GABRB2: variants seen among roughly 807,000 people sequenced by gnomAD.
The protein encoded by GABRB2 is gamma-aminobutyric acid receptor subunit beta-2.
In GABRB2, 16 loss-of-function variants were observed where a neutral mutation model predicts 54.7. The observed-to-expected ratio is 0.29, with a 90% CI of 0.20 to 0.44. GABRB2 has a LOEUF of 0.44. Ranked by LOEUF, GABRB2 falls within the 20% of genes least tolerant of loss-of-function variation. The probability of loss-of-function intolerance (pLI) is 1.00; values close to 1 mark genes in which losing one functional copy is unlikely to be tolerated. For missense variants in GABRB2, 355 were observed against 644.0 expected, an observed-to-expected ratio of 0.55 and a Z score of 4.86; for synonymous variants, 244 against 233.8, an observed-to-expected ratio of 1.04 and a Z score of -0.40.
At chr5:161,381,123 T>G (rs2113483275) in intron 5 of GABRB2, among the ~76,000 whole-genome samples, 1 of 152,274 alleles carries the variant, frequency 6.6e-6, no homozygotes, top group African/African-American at 2.4e-5. Context: ...AGCTTTGGAA[T>G]CACACAGTAC....
chr5:161,446,450 A>C (rs1757616851), intron 4 of GABRB2, among the ~76,000 whole-genome samples: 1 of 152,142 alleles, frequency 6.6e-6, no homozygotes, highest in South Asian at 2.1e-4. Flanking sequence ...TATTCCTCTT[A>C]AGAGAATTCT....
intron 5 of GABRB2, among the ~76,000 whole-genome samples, chr5:161,361,298 T>C (rs1051389337): frequency 1.8e-4 from 28 of 152,106 alleles, no homozygotes; most frequent in African/African-American, 6.8e-4. Flanking sequence ...TTTTATTTTT[T>C]AAACTTTTAG....
chr5:161,430,918 C>A (rs912537152), intron 4 of GABRB2, among the ~76,000 whole-genome samples: 4 of 152,082 alleles, frequency 2.6e-5, no homozygotes, highest in Non-Finnish European at 5.9e-5. Context: ...TTTTATAATT[C>A]ATTACAAGAT....
At chr5:161,406,851 C>T (rs1025021366) in intron 5 of GABRB2, among the ~76,000 whole-genome samples, 1 of 151,952 alleles carries the variant, frequency 6.6e-6, no homozygotes, top group Non-Finnish European at 1.5e-5. Context: ...CTTTGTGTAT[C>T]CCTGTGAAGG....
chr5:161,446,395 A>G (rs1757615368), intron 4 of GABRB2, among the ~76,000 whole-genome samples: 1 of 152,152 alleles, frequency 6.6e-6, no homozygotes, highest in African/African-American at 2.4e-5. Flanking sequence ...CACTGTACAG[A>G]CATTCCTAAT....
intron 3 of GABRB2, among the ~76,000 whole-genome samples, chr5:161,544,135 T>C (rs1404493601): frequency 6.6e-6 from 1 of 152,214 alleles, no homozygotes; most frequent in African/African-American, 2.4e-5. Flanking sequence ...TGAGAACTAA[T>C]TTTCAAGTCC....
At chr5:161,488,282 T>G (rs1039043431) in intron 3 of GABRB2, among the ~76,000 whole-genome samples, 4 of 151,094 alleles carry the variant, frequency 2.6e-5, no homozygotes, top group Non-Finnish European at 5.9e-5. Flanking sequence ...CTCCAATCAC[T>G]TCAAGAGGCC....
rs1313069205 is a variant in GABRB2, at chr5:161,429,354, AAAAAGAAAAAG to A, written c.459-18308_459-18298del. ...GAGCAAGAATCCGTCTCAAAAAAAA[AAAAAGAAAAAG>A]AAAAAAAAAGAAATCCTGAAATAAG... On this transcript the variant is annotated intron_variant, in intron 4 of 9. Coordinates refer to ENST00000393959, the MANE Select transcript of GABRB2 (RefSeq NM_001371727.1). 2.7e-5 allele frequency among the ~76,000 whole-genome samples: 4 copies of A among 149,080 alleles called. No individual in the cohort carries two copies. The East Asian group carries it at 7.8e-4, about 29-fold the overall frequency.
intron 3 of GABRB2, among the ~76,000 whole-genome samples, chr5:161,472,165 GTTA>G (rs549514814): frequency 1.1e-4 from 17 of 151,736 alleles, no homozygotes; most frequent in Non-Finnish European, 2.2e-4. Flanking sequence ...ATTAATGTTT[GTTA>G]TTATTATTAA....
intron 3 of GABRB2, among the ~76,000 whole-genome samples, chr5:161,472,948 G>A (rs1441737218): frequency 6.6e-6 from 1 of 151,894 alleles, no homozygotes; most frequent in Non-Finnish European, 1.5e-5. Context: ...GGTTCAACAT[G>A]GACATAGTAG....
intron 4 of GABRB2, among the ~76,000 whole-genome samples, chr5:161,411,266 G>T (rs925612865): frequency 6.6e-6 from 1 of 152,130 alleles, no homozygotes; most frequent in Admixed American, 6.5e-5. Flanking sequence ...CCAAAGTATG[G>T]TCCATTATCT....
chr5:161,398,750 C>T (rs1277888942), intron 5 of GABRB2, among the ~76,000 whole-genome samples: 2 of 151,762 alleles, frequency 1.3e-5, no homozygotes, highest in Non-Finnish European at 2.9e-5. Flanking sequence ...AGTTCAGTGG[C>T]GCGATCTCAG....
At chr5:161,375,331 G>A (rs1180397392) in intron 5 of GABRB2, among the ~76,000 whole-genome samples, 1 of 152,190 alleles carries the variant, frequency 6.6e-6, no homozygotes, top group Non-Finnish European at 1.5e-5. Flanking sequence ...AAATTTAGGT[G>A]TCTAGTTTCC....
intron 5 of GABRB2, among the ~76,000 whole-genome samples, chr5:161,376,360 T>A (rs1755296864): frequency 6.6e-6 from 1 of 152,104 alleles, no homozygotes; most frequent in African/African-American, 2.4e-5. Flanking sequence ...GTCAAGAGAA[T>A]TCTAGGATAC....
At chr5:161,373,133 C>T (rs1755180632) in intron 5 of GABRB2, among the ~76,000 whole-genome samples, 1 of 152,004 alleles carries the variant, frequency 6.6e-6, no homozygotes, top group South Asian at 2.1e-4. Context: ...TAAAGACATC[C>T]CTTGGGCATC....
chr5:161,331,413 A>G (rs1391733950), intron 7 of GABRB2, among the ~76,000 whole-genome samples: 2 of 152,140 alleles, frequency 1.3e-5, no homozygotes, highest in African/African-American at 4.8e-5. Flanking sequence ...TGATGGGCAC[A>G]TGTGTAAGGT....
At chr5:161,356,883 A>T (rs1209630626) in intron 5 of GABRB2, among the ~76,000 whole-genome samples, 1 of 152,142 alleles carries the variant, frequency 6.6e-6, no homozygotes, top group Non-Finnish European at 1.5e-5. Flanking sequence ...GATGTGTCTG[A>T]GATTGCTTGT....
intron 8 of GABRB2, among the ~76,000 whole-genome samples, chr5:161,327,998 T>C (rs1758419933): frequency 6.6e-6 from 1 of 152,104 alleles, no homozygotes; most frequent in South Asian, 2.1e-4. Flanking sequence ...TCATGCTGGG[T>C]GAACAAAGAA....
At chr5:161,417,080 A>T (rs1264048550) in intron 4 of GABRB2, among the ~76,000 whole-genome samples, 1 of 152,180 alleles carries the variant, frequency 6.6e-6, no homozygotes, top group Non-Finnish European at 1.5e-5. Context: ...CGTCACTTCA[A>T]AAAATTCTTA....
Sources: gnomAD v4.1 joint callset for allele counts (sites outside exome capture counted in the v4.1 genomes callset) on GRCh38, gnomAD v4.1.1 for gene constraint, MANE v1.5 for transcripts, NCBI Gene and HGNC (gene_info 2026-07-23, HGNC 2026-07-21) for gene names.